TET3: variants seen among roughly 807,000 people sequenced by gnomAD.
TET3 encodes the protein methylcytosine dioxygenase TET3.
In TET3, 19 loss-of-function variants were observed where a neutral mutation model predicts 141.4. The observed-to-expected ratio is 0.13, with a 90% CI of 0.09 to 0.20. The LOEUF is 0.20. TET3 is among the 10% of genes least tolerant of loss of function. The pLI, the probability that TET3 is intolerant of heterozygous loss-of-function variation, is 1.00. For synonymous variants in TET3, 1,043 were observed against 980.9 expected (o/e 1.06, Z -1.18); for missense variants, 1,874 against 2,356.9 (o/e 0.80, Z 4.24).
intron 4 of TET3, among the ~76,000 whole-genome samples, chr2:74,072,913 A>G (rs1689290061): frequency 6.6e-6 from 1 of 152,220 alleles, no homozygotes; most frequent in Non-Finnish European, 1.5e-5. Context: ...TTGTAATAGC[A>G]TGTATCAAAA....
the TET3 span, among the ~76,000 whole-genome samples, chr2:74,122,664 C>CCACT: frequency 2.8e-5 from 4 of 142,716 alleles, no homozygotes; most frequent in Non-Finnish European, 4.5e-5. Context: ...AAGGCATGTG[C>CCACT]CACTACACCT....
Position 74,105,294 on chromosome 2 carries a change from A to G in TET3, c.*3118A>G, listed in dbSNP as rs1194002458. 1 of 398,636 alleles carries G rather than the reference A, an allele frequency of 2.5e-6. No individual in the cohort carries two copies. The allele number at this position is 398,636 out of a possible 1,614,324, so 24.7% of individuals were successfully genotyped here. ...CACGGACACCATCCACGTGCAGTGC[A>G]AACATTTGGTTCCTTTTCTGCTCTG... On this transcript the variant is annotated 3_prime_UTR_variant, in exon 12 of 12. Coordinates refer to ENST00000409262, the MANE Select transcript of TET3 (RefSeq NM_001287491.2).
At chr2:74,054,847 G>T (rs888869187) in intron 4 of TET3, among the ~76,000 whole-genome samples, 1 of 152,188 alleles carries the variant, frequency 6.6e-6, no homozygotes, top group Non-Finnish European at 1.5e-5. Flanking sequence ...AGTCTTTGCA[G>T]TTAAAGCCCA....
At chr2:74,116,622 T>C in the TET3 span, among the ~76,000 whole-genome samples, 1 of 148,060 alleles carries the variant, frequency 6.8e-6, no homozygotes, top group Non-Finnish European at 1.5e-5. Flanking sequence ...GAGGTGGAGG[T>C]TGCAGTGAGC....
At chr2:74,050,268 A>G (rs1253878492) in intron 4 of TET3, among the ~76,000 whole-genome samples, 1 of 152,162 alleles carries the variant, frequency 6.6e-6, no homozygotes, top group Non-Finnish European at 1.5e-5. Context: ...CTGCTTCCTC[A>G]TATGTAGAAT....
chr2:74,108,902 T>C (rs1186169709), downstream of TET3, among the ~76,000 whole-genome samples: 3 of 152,054 alleles, frequency 2.0e-5, no homozygotes, highest in African/African-American at 7.2e-5. Context: ...TCTGAGGGCA[T>C]CTGAGTGAAA....
rs530675842 is a variant in TET3 at position 73,992,919 on chromosome 2, G to C, written c.303+6213G>C. 2.6e-5 allele frequency among the ~76,000 whole-genome samples: 4 copies of C among 152,326 alleles called. No individual in the cohort carries two copies. In the South Asian group the frequency reaches 8.3e-4, roughly 32 times the overall value. On this transcript the variant is annotated intron_variant, in intron 2 of 11. Transcript: ENST00000409262. Reference sequence around the variant, plus strand: ...CAGCTGAGGCAAATGAACAGATCTAGATTTCTGTAAATAAATGATGGCATC... The same window carrying C: ...CAGCTGAGGCAAATGAACAGATCTACATTTCTGTAAATAAATGATGGCATC...
chr2:74,123,079 C>G, the TET3 span: 1 of 152,124 alleles, frequency 6.6e-6, no homozygotes, highest in African/African-American at 2.4e-5. Flanking sequence ...ATGAAGGAAT[C>G]ATTTCAATAG....
intron 3 of TET3, among the ~76,000 whole-genome samples, chr2:74,024,705 G>A (rs939020565): frequency 2.0e-5 from 3 of 152,016 alleles, no homozygotes; most frequent in African/African-American, 7.2e-5. Context: ...AAGATTTGGG[G>A]AATGTTACCT....
chr2:74,023,199 T>C (rs1205565686), intron 3 of TET3, among the ~76,000 whole-genome samples: 2 of 152,164 alleles, frequency 1.3e-5, no homozygotes, highest in Non-Finnish European at 2.9e-5. Flanking sequence ...CTCATCAGCA[T>C]TGATATTAAT....
Position 74,100,713 on chromosome 2 carries a change from A to G in TET3, c.3925A>G (p.Ser1309Gly). 1 of 1,613,944 alleles carries G rather than the reference A, an allele frequency of 6.2e-7. No homozygotes were observed. The highest frequency in any genetic ancestry group is 8.5e-7 in the Non-Finnish European group (1 of 1,179,850). Residue 1309 changes from serine to glycine, a missense_variant, in exon 12 of 12, where the codon AGT becomes GGT. Coordinates refer to ENST00000409262, the MANE Select transcript of TET3 (RefSeq NM_001287491.2). The stretch of plus-strand genomic sequence containing the variant: ...CCTGGGTCCTGGTGCCTGGGGGCAC[A>G]GTGGCAGCAGTGGCAGTTTTGAGAA... ...QFLGPGAWGH[S>G]GSSGSFEKKP...
chr2:74,108,377 T>G (rs569274610), downstream of TET3, among the ~76,000 whole-genome samples: 6 of 152,372 alleles, frequency 3.9e-5, no homozygotes, highest in East Asian at 1.2e-3. Context: ...TAAAACGGGA[T>G]CTAAAGGGAG....
At chr2:74,083,823 T>G (rs917791970) in intron 6 of TET3, among the ~76,000 whole-genome samples, 17 of 152,180 alleles carry the variant, frequency 1.1e-4, no homozygotes, top group African/African-American at 4.1e-4. Context: ...CGGCCATGAC[T>G]GGTTGGGTGA....
chr2:74,100,867 C>A lies in TET3; in HGVS notation c.4079C>A (p.Ala1360Glu). Reference protein sequence around the residue: ...HHPTPHHQQPAYPGPKEYLLP... With the variant: ...HHPTPHHQQPEYPGPKEYLLP... Reference sequence around the variant, plus strand: ...CCCACTCCTCACCACCAGCAGCCTGCGTACCCAGGCCCCAAGGAGTATCTG... The same window carrying A: ...CCCACTCCTCACCACCAGCAGCCTGAGTACCCAGGCCCCAAGGAGTATCTG... Residue 1360 changes from alanine (A) to glutamate (E), a missense_variant, in exon 12 of 12, where the codon GCG becomes GAG. Physicochemically the swap from Ala to Glu is moderately radical, Grantham distance 107 (BLOSUM62 -1). Transcript: ENST00000409262. The A allele has an allele frequency of 6.2e-7, 1 of 1,610,920 alleles. No individual in the cohort carries two copies. The highest frequency in any genetic ancestry group is 8.5e-7 in the Non-Finnish European group (1 of 1,178,770).
chr2:74,057,822 G>T (rs935181294), intron 4 of TET3, among the ~76,000 whole-genome samples: 1 of 152,132 alleles, frequency 6.6e-6, no homozygotes, highest in African/African-American at 2.4e-5. Context: ...AATCAACATG[G>T]TAGCCATTCA....
chr2:74,055,923 C>T (rs1237536268), intron 4 of TET3, among the ~76,000 whole-genome samples: 2 of 152,178 alleles, frequency 1.3e-5, no homozygotes, highest in Non-Finnish European at 2.9e-5. Flanking sequence ...CGAAGGGCCT[C>T]AACAGGTGTG....
the TET3 span, among the ~76,000 whole-genome samples, chr2:74,131,170 C>A: frequency 6.6e-6 from 1 of 152,216 alleles, no homozygotes; most frequent in East Asian, 1.9e-4. Flanking sequence ...CCAGGTGGTT[C>A]GAATTTGCAG....
rs1320704076 is a variant in TET3, at chr2:74,046,540, A to C, written c.623A>C (p.Glu208Ala). 1.2e-6 allele frequency: 2 copies of C among 1,614,014 alleles called. No individual in the cohort carries two copies. The highest frequency in any genetic ancestry group is 1.7e-6 in the Non-Finnish European group (2 of 1,179,876). Residue 208 changes from glutamate (E) to alanine (A), a missense_variant, in exon 4 of 12, where the codon GAA (glutamate) becomes GCA (alanine). Around this residue, in one of 10 missense-constraint regions of TET3, gnomAD observed 366 missense variants for 487.0 expected, o/e 0.75. Transcript: ENST00000409262. This position sits in a 1 kb window ranked among gnomAD's most constrained non-coding sequence, Gnocchi z 4.3. ...HDLVAFSAVAEAVSSYGALST... is the reference protein window; with the variant it reads ...HDLVAFSAVAAAVSSYGALST... ...CTGGTGGCCTTTTCGGCTGTGGCCG[A>C]AGCTGTGTCCTCTTATGGGGCCCTT... is the stretch of plus-strand genomic sequence containing the variant.
At chr2:74,063,392 A>T (rs1688702686) in intron 4 of TET3, among the ~76,000 whole-genome samples, 2 of 152,172 alleles carry the variant, frequency 1.3e-5, no homozygotes, top group South Asian at 4.1e-4. Context: ...CCATGTGATT[A>T]TCCAGTTCCC....
Sources: allele counts gnomAD v4.1 joint callset (sites outside exome capture counted in the v4.1 genomes callset), GRCh38; gene constraint gnomAD v4.1.1; regional missense constraint gnomAD v4.1.1; non-coding constraint Gnocchi (gnomAD v3.1); transcripts MANE v1.5; gene names NCBI Gene and HGNC (gene_info 2026-07-23, HGNC 2026-07-21).